FANCD2: variants seen among roughly 807,000 people sequenced by gnomAD.
FANCD2 encodes Fanconi anemia group D2 protein.
In FANCD2, 131 loss-of-function variants were observed where a neutral mutation model predicts 192.3. The observed-to-expected ratio is 0.68, with a 90% CI of 0.59 to 0.79. The LOEUF is 0.79. Among genes scored for constraint, FANCD2 ranks in the 30% least tolerant of loss-of-function variants. The pLI, the probability that FANCD2 is intolerant of heterozygous loss-of-function variation, is 0.00. For missense variants in FANCD2, 1,508 were observed against 1,701.6 expected (o/e 0.89, Z 2.00); for synonymous variants, 524 against 612.5 (o/e 0.86, Z 2.13).
chr3:10,098,323 C>G (rs947786152), intron 42 of FANCD2, among the ~76,000 whole-genome samples: 1 of 152,134 alleles, frequency 6.6e-6, no homozygotes, highest in Non-Finnish European at 1.5e-5. Flanking sequence ...TGTTCTGAAA[C>G]CACCTCACCA....
chr3:10,044,294 G>A (rs2124995081), intron 14 of FANCD2, among the ~76,000 whole-genome samples: 1 of 152,172 alleles, frequency 6.6e-6, no homozygotes, highest in African/African-American at 2.4e-5. Context: ...CCTGACTAGA[G>A]TAAATCAATC....
At chr3:10,093,109 A>G (rs34131370) in intron 38 of FANCD2, among the ~76,000 whole-genome samples, 176 bp from the exon 39 acceptor site, 1,827 of 152,246 alleles carry the variant, frequency 0.012, 47 homozygotes, top group African/African-American at 0.04. Flanking sequence ...CCTTTTCTTG[A>G]ACTTCAGTTG....
At position 10,088,455 on chromosome 3, in the gene FANCD2, T is replaced by G; in HGVS notation, c.3473T>G (p.Leu1158Arg). 6.2e-7 allele frequency: 1 copy of G among 1,605,448 alleles called. No homozygotes were observed. The highest frequency in any genetic ancestry group is 8.5e-7 in the Non-Finnish European group (1 of 1,172,066). ...SAQNKEKIAS[L>R]ARQFLCRVWP... Reference sequence around the variant, plus strand: ...TTGTCTTCTTTTCTAACAGCTTCCCTTGCCAGACAATTCCTCTGTCGGGTG... The same window carrying G: ...TTGTCTTCTTTTCTAACAGCTTCCCGTGCCAGACAATTCCTCTGTCGGGTG... The change falls in exon 35 of 44, where the codon CTT (leucine) becomes CGT (arginine). Residue 1158 changes from leucine to arginine, a missense_variant. Leu to Arg is a moderately radical substitution (Grantham distance 102, BLOSUM62 -2). This residue lies in a region of FANCD2 where 796 missense variants were observed against 879.4 expected (regional missense o/e 0.91). Transcript: ENST00000675286.
rs200567617 is a variant in FANCD2 at position 10,081,185 on chromosome 3, C to T, written c.3062C>T (p.Thr1021Ile). ...EIVHCVFQLL[T>I]PMCNHLENIH... ...GTTCATTGTGTTTTTCAACTGCTGA[C>T]CCCAATGTGTAACCACCTGGAGAAC... The change falls in exon 31 of 44, where the codon ACC (threonine) becomes ATC (isoleucine). Residue 1021 changes from threonine to isoleucine, a missense_variant. Physicochemically the swap from Thr to Ile is moderately conservative, Grantham distance 89. Around this residue, in one of 5 missense-constraint regions of FANCD2, gnomAD observed 796 missense variants for 879.4 expected, o/e 0.91. Coordinates refer to ENST00000675286, the MANE Select transcript of FANCD2 (RefSeq NM_001018115.3). The T allele has an allele frequency of 6.2e-7, 1 of 1,614,132 alleles. No individual in the cohort carries two copies. Among genetic ancestry groups the T allele is most frequent in the African/African-American group, 1.3e-5 (1 of 75,042 alleles).
At chr3:10,071,455 G>A (rs1474841343) in intron 26 of FANCD2, among the ~76,000 whole-genome samples, 2 of 151,886 alleles carry the variant, frequency 1.3e-5, no homozygotes, top group African/African-American at 2.4e-5. Context: ...GTCCATCAGC[G>A]GGTGAATGGA....
chr3:10,067,624 C>G (rs1170955436), intron 26 of FANCD2, among the ~76,000 whole-genome samples: 1 of 152,100 alleles, frequency 6.6e-6, no homozygotes, highest in Non-Finnish European at 1.5e-5. Context: ...ATGGTGAAAC[C>G]CTGTTTGTAC....
intron 20 of FANCD2, 70 bp downstream of exon 20, chr3:10,062,281 C>T (rs2125030126): frequency 7.7e-7 from 1 of 1,306,754 alleles, no homozygotes; most frequent in South Asian, 1.2e-5. Flanking sequence ...CGCTCTGTCA[C>T]CCAACCTGCA....
rs749593133 is a variant in FANCD2, at chr3:10,039,723, C to A, written c.573C>A (p.Asp191Glu). Residue 191 changes from aspartate (D) to glutamate (E), a missense_variant and splice_region_variant, in exon 9 of 44, where the codon GAC (aspartate) becomes GAA (glutamate). This residue lies in a region of FANCD2 where 435 missense variants were observed against 421.9 expected (regional missense o/e 1.03). Coordinates refer to ENST00000675286, the MANE Select transcript of FANCD2 (RefSeq NM_001018115.3). ...TCTAATAGTGTCTTCTACTGCAGGACCTCACCACCAAGATCATGCAGCTGA... is the reference window on the plus strand; with the variant it reads ...TCTAATAGTGTCTTCTACTGCAGGAACTCACCACCAAGATCATGCAGCTGA... ...KWLDRVVDGKDLTTKIMQLIS... is the reference protein window; with the variant it reads ...KWLDRVVDGKELTTKIMQLIS... 6.2e-7 allele frequency: 1 copy of A among 1,613,938 alleles called. No individual in the cohort carries two copies. The highest frequency in any genetic ancestry group is 8.5e-7 in the Non-Finnish European group (1 of 1,179,986).
intron 28 of FANCD2, among the ~76,000 whole-genome samples, chr3:10,073,624 G>T (rs1693375219): frequency 6.6e-6 from 1 of 152,076 alleles, no homozygotes; most frequent in South Asian, 2.1e-4. Context: ...GCAGTACATT[G>T]AATTCTCTCT....
intron 32 of FANCD2, among the ~76,000 whole-genome samples, chr3:10,084,721 T>C (rs1045319143): frequency 6.6e-6 from 1 of 152,208 alleles, no homozygotes; most frequent in Non-Finnish European, 1.5e-5. Flanking sequence ...AAAGGAAGAA[T>C]GACTATCACT....
chr3:10,051,321 C>T (rs895863580), intron 17 of FANCD2, among the ~76,000 whole-genome samples: 6 of 134,972 alleles, frequency 4.4e-5, no homozygotes, highest in Non-Finnish European at 9.3e-5. Flanking sequence ...GCGGAGCTTG[C>T]AGTGAGCCGA....
In FANCD2 at chr3:10,074,630, G is replaced by A; in HGVS notation, c.2816G>A (p.Gly939Glu). Residue 939 changes from glycine (G) to glutamate (E), a missense_variant, in exon 29 of 44, where the codon GGA (glycine) becomes GAA (glutamate). Physicochemically the swap from Gly to Glu is moderately conservative, Grantham distance 98. This residue lies in a region of FANCD2 where 796 missense variants were observed against 879.4 expected (regional missense o/e 0.91). Transcript: ENST00000675286. ...GAGGTCTTCTCTATTCTACATTGTG[G>A]ACTTGTGACGAAGTTCATCTTAGAT... is the stretch of plus-strand genomic sequence containing the variant. The part of the protein sequence containing the change: ...DIEVFSILHC[G>E]LVTKFILDTE... The A allele has an allele frequency of 6.2e-7, 1 of 1,613,768 alleles. No individual in the cohort carries two copies.
Position 10,052,429 on chromosome 3 carries a change from C to T in FANCD2, c.1588C>T (p.Arg530Ter), listed in dbSNP as rs962867926. ...GGATAACATATCCCCTCAGCAAATA[C>T]GAAAACTCTTCTATGTTCTCAGCAC... The part of the protein sequence containing the change: ...YLDNISPQQI[R>*]KLFYVLSTLA... The change falls in exon 18 of 44, where the codon CGA becomes TGA. Residue 530 changes from arginine (R) to a stop codon, truncating the protein, a stop_gained. Transcript: ENST00000675286. LOFTEE classifies it high-confidence loss of function. 6.2e-6 allele frequency: 10 copies of T among 1,613,152 alleles called. No individual in the cohort carries two copies. The highest frequency in any genetic ancestry group is 2.2e-5 in the East Asian group (1 of 44,892).
chr3:10,029,680 C>T (rs2086542708), intron 2 of FANCD2, among the ~76,000 whole-genome samples: 1 of 152,194 alleles, frequency 6.6e-6, no homozygotes, highest in African/African-American at 2.4e-5. Context: ...GTGCACCTGT[C>T]ACCCGAAAAG....
At chr3:10,085,407 T>C (rs1245322066) in intron 32 of FANCD2, among the ~76,000 whole-genome samples, 3 of 150,654 alleles carry the variant, frequency 2.0e-5, no homozygotes, top group Non-Finnish European at 3.0e-5. Context: ...TTTTTTTTTT[T>C]TTTGAGATGG....
chr3:10,051,541 G>A (rs1198268151), intron 17 of FANCD2, among the ~76,000 whole-genome samples: 2 of 152,076 alleles, frequency 1.3e-5, no homozygotes, highest in Non-Finnish European at 2.9e-5. Context: ...GAATTATAAG[G>A]GTGGAAGCCA....
chr3:10,073,272 TGGC>T lies in FANCD2; in HGVS notation c.2626_2628del (p.Gly876del), dbSNP rs761739960. On this transcript the variant is annotated inframe_deletion, in exon 28 of 44. Transcript: ENST00000675286. ...TAAAAGAAAGGAAACAAAAAACAGA[TGGC>T]AGCAAGACATCCTCCTCTGACACAC... is the stretch of plus-strand genomic sequence containing the variant. The T allele has an allele frequency of 6.2e-7, 1 of 1,613,620 alleles. No individual in the cohort carries two copies. The highest frequency in any genetic ancestry group is 1.3e-5 in the African/African-American group (1 of 74,884).
chr3:10,075,495 T>C (rs1052187504), intron 29 of FANCD2, among the ~76,000 whole-genome samples: 2 of 152,148 alleles, frequency 1.3e-5, no homozygotes, highest in East Asian at 1.9e-4. Context: ...CATAGCTTTA[T>C]TGATGCCAAA....
chr3:10,099,993 C>T (rs1695207313), intron 43 of FANCD2, among the ~76,000 whole-genome samples: 2 of 151,728 alleles, frequency 1.3e-5, no homozygotes, highest in African/African-American at 4.8e-5. Context: ...CCCAGAATTT[C>T]AAGACCAACC....
Sources: allele counts gnomAD v4.1 joint callset (sites outside exome capture counted in the v4.1 genomes callset), GRCh38; gene constraint gnomAD v4.1.1; regional missense constraint gnomAD v4.1.1; transcripts MANE v1.5; gene names NCBI Gene and HGNC (gene_info 2026-07-23, HGNC 2026-07-21).